GRIN2B: variants seen among roughly 807,000 people sequenced by gnomAD.
GRIN2B encodes glutamate ionotropic receptor NMDA type subunit 2B, also known as glutamate receptor ionotropic, NMDA 2B.
Under a neutral mutation model 114.5 loss-of-function variants are expected in GRIN2B, and 5 were observed. That is an observed-to-expected ratio of 0.04 (90% confidence interval 0.02 to 0.09). GRIN2B has a LOEUF of 0.09. GRIN2B is among the 10% of genes least tolerant of loss of function. GRIN2B has a pLI of 1.00. For missense variants in GRIN2B, 1,108 were observed against 1,943.5 expected, an observed-to-expected ratio of 0.57 and a Z score of 8.08; for synonymous variants, 787 against 745.1, an observed-to-expected ratio of 1.06 and a Z score of -0.92.
intron 3 of GRIN2B, 141 bp downstream of exon 3, chr12:13,865,657 G>C (rs1014693715): frequency 1.3e-6 from 1 of 795,500 alleles, no homozygotes; most frequent in Non-Finnish European, 2.2e-6. Flanking sequence ...AAAAAAAAAG[G>C]ATTAATTGCT....
chr12:13,794,246 A>G (rs1033347605), intron 3 of GRIN2B, among the ~76,000 whole-genome samples: 3 of 151,890 alleles, frequency 2.0e-5, no homozygotes, highest in Middle Eastern at 3.4e-3. Flanking sequence ...AAAAAAAGAA[A>G]AAGAAAAATC....
chr12:13,904,738 C>T (rs1214596533), intron 2 of GRIN2B, among the ~76,000 whole-genome samples: 1 of 152,002 alleles, frequency 6.6e-6, no homozygotes, highest in Admixed American at 6.6e-5. Flanking sequence ...TCTAAGGTGT[C>T]AGTTATTTTC....
At chr12:13,726,767 C>T (rs1282010178) in intron 4 of GRIN2B, among the ~76,000 whole-genome samples, 1 of 151,642 alleles carries the variant, frequency 6.6e-6, no homozygotes, top group East Asian at 1.9e-4. Context: ...CACCCATCAC[C>T]TGAGCAATGT....
chr12:13,848,986 C>T (rs1019585017), intron 3 of GRIN2B, among the ~76,000 whole-genome samples: 1 of 151,518 alleles, frequency 6.6e-6, no homozygotes, highest in African/African-American at 2.4e-5. Flanking sequence ...TGAGACTTCT[C>T]CTCGGGCACA....
At chr12:13,932,668 G>A (rs1867054947) in intron 2 of GRIN2B, among the ~76,000 whole-genome samples, 1 of 152,164 alleles carries the variant, frequency 6.6e-6, no homozygotes, top group Non-Finnish European at 1.5e-5. Flanking sequence ...CCTAAAGCTT[G>A]TACTGGAAAG....
In GRIN2B at chr12:13,669,607, G is replaced by T. The variant is rs116718071; in HGVS notation, c.1125+6138C>A. Among the ~76,000 whole-genome samples, 374 of 152,224 alleles carry T rather than the reference G, an allele frequency of 2.5e-3. 5 individuals are homozygous for T. The highest frequency in any genetic ancestry group is 8.7e-3 in the African/African-American group (361 of 41,552). Reference sequence around the variant, plus strand: ...CTCTGAGGCTGGGAGGTGGAACAAAGTCTGTCCAGCTGTGCCCAAGCAGTC... The same window carrying T: ...CTCTGAGGCTGGGAGGTGGAACAAATTCTGTCCAGCTGTGCCCAAGCAGTC... On this transcript the variant is annotated intron_variant, in intron 5 of 13. Transcript: ENST00000609686.
Position 13,865,918 on chromosome 12 carries a change from C to A in GRIN2B, c.291G>T (p.Val97=). The A allele has an allele frequency of 6.2e-7, 1 of 1,614,046 alleles. No homozygotes were observed. The highest frequency in any genetic ancestry group is 8.5e-7 in the Non-Finnish European group (1 of 1,179,970). Residue 97 remains valine (V), a synonymous_variant, in exon 3 of 14, where the codon GTG becomes GTT. Coordinates refer to ENST00000609686, the MANE Select transcript of GRIN2B (RefSeq NM_000834.5). Reference sequence around the variant, plus strand: ...CCTGGTCTGTGTCATCAGCAAACACCACCCCCTGGATCTTCCGGTCAGACA... The same window carrying A: ...CCTGGTCTGTGTCATCAGCAAACACAACCCCCTGGATCTTCCGGTCAGACA... ...DLMSDRKIQG[V]VFADDTDQEA... is the part of the protein sequence containing the mutation.
At chr12:13,722,601 T>C (rs1343233946) in intron 4 of GRIN2B, among the ~76,000 whole-genome samples, 1 of 152,074 alleles carries the variant, frequency 6.6e-6, no homozygotes, top group African/African-American at 2.4e-5. Context: ...GAGGCAGACT[T>C]AGCAGCAAAG....
chr12:13,777,569 C>T (rs944093906), intron 3 of GRIN2B, among the ~76,000 whole-genome samples: 1 of 152,182 alleles, frequency 6.6e-6, no homozygotes, highest in East Asian at 1.9e-4. Context: ...GCTGCAAGAT[C>T]CACAATGGCT....
intron 11 of GRIN2B, 57 bp from the exon 12 acceptor site, chr12:13,570,074 G>T: frequency 1.7e-6 from 2 of 1,172,698 alleles, no homozygotes; most frequent in Non-Finnish European, 1.3e-6. Context: ...AAAACTACCT[G>T]TGGGGCCATT....
intron 3 of GRIN2B, among the ~76,000 whole-genome samples, chr12:13,849,548 C>T (rs937444485): frequency 6.6e-6 from 1 of 152,054 alleles, no homozygotes; most frequent in African/African-American, 2.4e-5. Context: ...CTCTCTATGA[C>T]CTCCATTCAG....
At chr12:13,634,765 A>C (rs1038400333) in intron 5 of GRIN2B, among the ~76,000 whole-genome samples, 3 of 152,176 alleles carry the variant, frequency 2.0e-5, no homozygotes, top group African/African-American at 7.2e-5. Flanking sequence ...GCTGGGGGAC[A>C]GTTTTATTTA....
intron 4 of GRIN2B, among the ~76,000 whole-genome samples, chr12:13,694,923 T>G (rs1410132874): frequency 6.6e-6 from 1 of 151,948 alleles, no homozygotes. Context: ...GGCCTTCATT[T>G]GCCTTTTCTT....
chr12:13,743,625 G>A (rs77870594), intron 4 of GRIN2B, among the ~76,000 whole-genome samples: 4,210 of 150,120 alleles, frequency 0.028, 202 homozygotes, highest in African/African-American at 0.097. Context: ...AAGTCAATGG[G>A]AGTGTCTGGA....
At chr12:13,897,475 C>A (rs1866372529) in intron 2 of GRIN2B, among the ~76,000 whole-genome samples, 1 of 152,164 alleles carries the variant, frequency 6.6e-6, no homozygotes, top group Non-Finnish European at 1.5e-5. Flanking sequence ...CCATATTTGA[C>A]AGAGTACAGA....
chr12:13,980,658 G>C (rs567370139), intron 1 of GRIN2B, among the ~76,000 whole-genome samples: 64 of 152,072 alleles, frequency 4.2e-4, no homozygotes, highest in African/African-American at 1.2e-3. Flanking sequence ...AAGGAGGAAG[G>C]GGGGGAGAAG....
chr12:13,961,453 G>T (rs1403571802), intron 2 of GRIN2B, among the ~76,000 whole-genome samples: 1 of 152,082 alleles, frequency 6.6e-6, no homozygotes, highest in Non-Finnish European at 1.5e-5. Flanking sequence ...GCCGGTAAGT[G>T]GTTGATCTGC....
At chr12:13,663,212 T>C (rs1353266026) in intron 5 of GRIN2B, among the ~76,000 whole-genome samples, 1 of 152,212 alleles carries the variant, frequency 6.6e-6, no homozygotes, top group Non-Finnish European at 1.5e-5. Flanking sequence ...ATCCCCTTTA[T>C]GTTCAACTAT....
intron 4 of GRIN2B, among the ~76,000 whole-genome samples, chr12:13,690,800 T>A (rs999419129): frequency 1.3e-5 from 2 of 152,188 alleles, no homozygotes; most frequent in Non-Finnish European, 2.9e-5. Flanking sequence ...ATATTGCAGT[T>A]TGTGGCTATG....
Sources: gnomAD v4.1 joint callset for allele counts (sites outside exome capture counted in the v4.1 genomes callset) on GRCh38, gnomAD v4.1.1 for gene constraint, MANE v1.5 for transcripts, NCBI Gene and HGNC (gene_info 2026-07-23, HGNC 2026-07-21) for gene names.